GUCY1A2: variants seen among roughly 807,000 people sequenced by gnomAD.
GUCY1A2 encodes guanylate cyclase 1 soluble subunit alpha 2, also known as guanylate cyclase soluble subunit alpha-2.
A neutral mutation model predicts 63.5 loss-of-function variants in GUCY1A2; 27 were observed. The observed-to-expected ratio is 0.43, with a 90% CI of 0.31 to 0.59. GUCY1A2 has a LOEUF of 0.59. Ranked by LOEUF, GUCY1A2 falls within the 20% of genes least tolerant of loss-of-function variation. The pLI is 0.11. For missense variants in GUCY1A2, 768 were observed against 913.3 expected (o/e 0.84, Z 2.05); for synonymous variants, 364 against 343.5 (o/e 1.06, Z -0.66).
intron 4 of GUCY1A2, among the ~76,000 whole-genome samples, chr11:106,920,033 A>G (rs1054345433): frequency 6.6e-6 from 1 of 152,148 alleles, no homozygotes; most frequent in Non-Finnish European, 1.5e-5. Flanking sequence ...CAATAGATAA[A>G]CTAGCTAATA....
intron 4 of GUCY1A2, among the ~76,000 whole-genome samples, chr11:106,938,801 A>G (rs943099835): frequency 6.6e-6 from 1 of 152,218 alleles, no homozygotes; most frequent in African/African-American, 2.4e-5. Flanking sequence ...TCAATTATTT[A>G]TAATTTATAA....
At chr11:106,738,691 T>C (rs1863633288) in intron 6 of GUCY1A2, among the ~76,000 whole-genome samples, 1 of 152,092 alleles carries the variant, frequency 6.6e-6, no homozygotes, top group Non-Finnish European at 1.5e-5. Flanking sequence ...TGTCAAAGAT[T>C]AGATGGTGGT....
chr11:106,946,000 G>A (rs1234722344), intron 3 of GUCY1A2, among the ~76,000 whole-genome samples: 1 of 151,956 alleles, frequency 6.6e-6, no homozygotes, highest in Non-Finnish European at 1.5e-5. Context: ...AAAAGCTACT[G>A]ATACATAGAA....
At chr11:106,983,914 G>T (rs1394491839) in intron 2 of GUCY1A2, among the ~76,000 whole-genome samples, 2 of 152,160 alleles carry the variant, frequency 1.3e-5, no homozygotes, top group Non-Finnish European at 2.9e-5. Context: ...GCCTTAAATT[G>T]TATTTTCTTA....
At chr11:106,746,722 A>G in intron 6 of GUCY1A2, 2 of 722,728 alleles carry the variant, frequency 2.8e-6, no homozygotes, top group South Asian at 1.6e-5. Context: ...TTTTATTTGC[A>G]TATACATATA....
intron 7 of GUCY1A2, among the ~76,000 whole-genome samples, chr11:106,701,009 T>C (rs2135343522): frequency 6.6e-6 from 1 of 152,262 alleles, no homozygotes; most frequent in East Asian, 1.9e-4. Flanking sequence ...TTAAACTATA[T>C]CGAAGGTATA....
intron 4 of GUCY1A2, among the ~76,000 whole-genome samples, chr11:106,886,167 A>C (rs1859898080): frequency 6.6e-6 from 1 of 152,164 alleles, no homozygotes; most frequent in Non-Finnish European, 1.5e-5. Context: ...ATAGCTAAGC[A>C]AGGCTCTAGG....
chr11:106,891,220 T>G (rs935634760), intron 4 of GUCY1A2, among the ~76,000 whole-genome samples: 1 of 152,170 alleles, frequency 6.6e-6, no homozygotes, highest in Non-Finnish European at 1.5e-5. Context: ...ATAATGATAA[T>G]GTAAGCATCT....
At chr11:106,928,184 C>A (rs1289537441) in intron 4 of GUCY1A2, among the ~76,000 whole-genome samples, 1 of 151,988 alleles carries the variant, frequency 6.6e-6, no homozygotes, top group East Asian at 1.9e-4. Context: ...AAAGAGATTC[C>A]CTCACACCTC....
At chr11:106,869,861 G>A (rs11211953) in intron 4 of GUCY1A2, among the ~76,000 whole-genome samples, 40,369 of 151,866 alleles carry the variant, frequency 0.27, 6,048 homozygotes, top group Admixed American at 0.43. Context: ...CAACCCAAAT[G>A]TCCAACAATG....
At chr11:106,863,975 T>G (rs1859551626) in intron 4 of GUCY1A2, among the ~76,000 whole-genome samples, 1 of 152,126 alleles carries the variant, frequency 6.6e-6, no homozygotes, top group South Asian at 2.1e-4. Context: ...CACATTGATT[T>G]TGTATCCTGA....
chr11:106,815,248 G>C (rs912182391), intron 4 of GUCY1A2, among the ~76,000 whole-genome samples: 2 of 151,838 alleles, frequency 1.3e-5, no homozygotes, highest in South Asian at 4.1e-4. Context: ...GAACAACAGA[G>C]AAAATAGGCT....
chr11:106,800,954 G>C (rs1864866251), intron 5 of GUCY1A2, among the ~76,000 whole-genome samples: 1 of 151,768 alleles, frequency 6.6e-6, no homozygotes, highest in East Asian at 1.9e-4. Flanking sequence ...CCACCAAAAG[G>C]TTGTGGCATA....
intron 1 of GUCY1A2, among the ~76,000 whole-genome samples, chr11:106,988,018 C>T (rs1201129216): frequency 1.3e-5 from 2 of 152,204 alleles, no homozygotes; most frequent in Non-Finnish European, 2.9e-5. Flanking sequence ...TCAGCAGCTG[C>T]TTTTCACTTA....
intron 7 of GUCY1A2, among the ~76,000 whole-genome samples, chr11:106,698,532 G>A (rs1408143385): frequency 2.0e-5 from 3 of 152,144 alleles, no homozygotes. Flanking sequence ...ATATAGTATA[G>A]TTCTGCAAGA....
chr11:106,702,854 AAT>A (rs1862840989), intron 7 of GUCY1A2, among the ~76,000 whole-genome samples: 1 of 152,136 alleles, frequency 6.6e-6, no homozygotes, highest in Non-Finnish European at 1.5e-5. Context: ...GAAAAATGTG[AAT>A]ATGTTAGGTC....
At chr11:106,717,374 A>T (rs1863234525) in intron 6 of GUCY1A2, among the ~76,000 whole-genome samples, 1 of 152,198 alleles carries the variant, frequency 6.6e-6, no homozygotes, top group African/African-American at 2.4e-5. Context: ...ACTTCCTGAT[A>T]GCCATTATAT....
intron 5 of GUCY1A2, among the ~76,000 whole-genome samples, chr11:106,778,463 T>A (rs746161953): frequency 1.1e-4 from 16 of 152,088 alleles, no homozygotes; most frequent in Non-Finnish European, 2.1e-4. Flanking sequence ...ATCAAGACCA[T>A]CCTGGCTAAC....
chr11:107,006,743 C>A (rs1464517002), intron 1 of GUCY1A2, among the ~76,000 whole-genome samples: 4 of 152,322 alleles, frequency 2.6e-5, no homozygotes, highest in East Asian at 1.9e-4. Context: ...GATGTTCACA[C>A]AATCTACAGC....
Sources: gnomAD v4.1 joint callset for allele counts (sites outside exome capture counted in the v4.1 genomes callset) on GRCh38, gnomAD v4.1.1 for gene constraint, MANE v1.5 for transcripts, NCBI Gene and HGNC (gene_info 2026-07-23, HGNC 2026-07-21) for gene names.